The following ACTN2 variants were observed in gnomAD, a reference collection of about 807,000 sequenced individuals.
The protein encoded by ACTN2 is actinin alpha 2, also known as alpha-actinin-2.
ACTN2 carries 39 observed loss-of-function variants against 113.8 expected under a neutral mutation model. The observed-to-expected ratio is 0.34, with a 90% confidence interval of 0.27 to 0.45. The LOEUF (loss-of-function observed/expected upper bound fraction) is 0.45, where lower values mean the gene tolerates loss of function less well. ACTN2 is among the 20% of genes least tolerant of loss of function. The pLI is 1.00. For missense variants in ACTN2, 992 were observed against 1,177.9 expected, an observed-to-expected ratio of 0.84 and a Z score of 2.31; for synonymous variants, 429 against 444.1, an observed-to-expected ratio of 0.97 and a Z score of 0.43.
intron 1 of ACTN2, among the ~76,000 whole-genome samples, chr1:236,697,866 C>A (rs1387367912): frequency 6.6e-6 from 1 of 150,838 alleles, no homozygotes; most frequent in Non-Finnish European, 1.5e-5. Context: ...CAGGTTCAAG[C>A]CTCCTGCCTC....
rs1659484093 is a variant in ACTN2 at position 236,754,152 on chromosome 1, A to G, written c.1974+71A>G. ...GTCCCTTTAGCCACGCAGCAGTGAC[A>G]CCGCACATGCTGTGGTTTCCAGCCA... On this transcript the variant is annotated intron_variant, in intron 16 of 20. Coordinates refer to ENST00000366578, the MANE Select transcript of ACTN2 (RefSeq NM_001103.4). The surrounding 1 kb of genome is among the most constrained non-coding windows in gnomAD (Gnocchi z 4.9). The G allele has an allele frequency of 6.3e-7, 1 of 1,586,502 alleles. No homozygotes were observed. Among genetic ancestry groups the G allele is most frequent in the African/African-American group, 1.3e-5 (1 of 74,530 alleles).
chr1:236,709,251 T>TATAC (rs1657932461), intron 1 of ACTN2, among the ~76,000 whole-genome samples: 16 of 59,726 alleles, frequency 2.7e-4, no homozygotes, highest in African/African-American at 6.3e-4. Flanking sequence ...TATATATATA[T>TATAC]ATATACACAC....
intron 20 of ACTN2, 149 bp from the exon 21 acceptor site, chr1:236,762,312 T>C (rs1485765020): frequency 1.9e-6 from 2 of 1,075,918 alleles, no homozygotes; most frequent in Non-Finnish European, 2.7e-6. Context: ...GGCTTTCTGT[T>C]GGTTGTCTGG....
intron 1 of ACTN2, among the ~76,000 whole-genome samples, chr1:236,691,552 A>G (rs1666082704): frequency 6.6e-6 from 1 of 151,826 alleles, no homozygotes; most frequent in East Asian, 2.0e-4. Flanking sequence ...GGGTGAGGCC[A>G]GAGGATCATT....
intron 1 of ACTN2, among the ~76,000 whole-genome samples, chr1:236,715,181 A>T (rs556965522): frequency 6.7e-6 from 1 of 149,282 alleles, no homozygotes; most frequent in East Asian, 2.0e-4. Flanking sequence ...TTCTACTTTA[A>T]GGTTTAGGGT....
intron 4 of ACTN2, among the ~76,000 whole-genome samples, chr1:236,724,253 C>T (rs551258699): frequency 1.0e-3 from 152 of 152,234 alleles, no homozygotes; most frequent in Non-Finnish European, 1.2e-3. Flanking sequence ...GACACTAATC[C>T]GATCATGAGG....
intron 5 of ACTN2, among the ~76,000 whole-genome samples, chr1:236,726,603 A>G (rs905743734): frequency 6.6e-6 from 1 of 152,200 alleles, no homozygotes; most frequent in African/African-American, 2.4e-5. Context: ...GAAGTAAAAG[A>G]GTTGGTTATA....
At chr1:236,706,279 C>T (rs1657821937) in intron 1 of ACTN2, among the ~76,000 whole-genome samples, 1 of 152,024 alleles carries the variant, frequency 6.6e-6, no homozygotes. Flanking sequence ...CTTGTATCCT[C>T]TTTGATTGGT....
At chr1:236,761,609 G>C (rs1659711909) in intron 20 of ACTN2, among the ~76,000 whole-genome samples, 1 of 152,214 alleles carries the variant, frequency 6.6e-6, no homozygotes, top group South Asian at 2.1e-4. Context: ...ATGGAGCAAA[G>C]TTAAATATAG....
intron 1 of ACTN2, among the ~76,000 whole-genome samples, chr1:236,700,327 CAT>C (rs1657636011): frequency 6.6e-6 from 1 of 152,160 alleles, no homozygotes; most frequent in Admixed American, 6.5e-5. Flanking sequence ...GGATTACAGG[CAT>C]GCACCACCAC....
chr1:236,719,082 A>C, intron 3 of ACTN2, 69 bp downstream of exon 3: 1 of 1,603,764 alleles, frequency 6.2e-7, no homozygotes, highest in Admixed American at 1.7e-5. Flanking sequence ...CTGCGACTTG[A>C]ATTCTCCCCT....
Position 236,751,638 on chromosome 1 carries a change from A to G in ACTN2, c.1825A>G (p.Thr609Ala). Residue 609 changes from threonine to alanine, a missense_variant, in exon 15 of 21, where the codon ACC becomes GCC. Transcript: ENST00000366578. ...YSTVTMDELR[T>A]KWDKVKQLVP... ...CACTGTCACCATGGATGAGCTCCGG[A>G]CCAAGTGGGACAAGGTGGGTGGCTG... 1 of 1,613,916 alleles carries G rather than the reference A, an allele frequency of 6.2e-7. No individual in the cohort carries two copies.
At chr1:236,751,687 G>A (rs2102939857) in intron 15 of ACTN2, 35 bp downstream of exon 15, 1 of 1,612,798 alleles carries the variant, frequency 6.2e-7, no homozygotes, top group Non-Finnish European at 8.5e-7. Context: ...GGACCAGGGG[G>A]CATTCTTGAA....
At chr1:236,703,000 C>T (rs1019638646) in intron 1 of ACTN2, among the ~76,000 whole-genome samples, 4 of 152,064 alleles carry the variant, frequency 2.6e-5, no homozygotes, top group Non-Finnish European at 5.9e-5. Flanking sequence ...AGCTGCTTCC[C>T]CAGTTGCCGG....
At chr1:236,734,368 A>C in intron 7 of ACTN2, 1 of 1,126,794 alleles carries the variant, frequency 8.9e-7, no homozygotes. Flanking sequence ...CCTCTGAGGA[A>C]GTGCTTAGCA....
intron 10 of ACTN2, among the ~76,000 whole-genome samples, chr1:236,739,804 A>G (rs1289227920): frequency 6.6e-6 from 1 of 152,062 alleles, no homozygotes; most frequent in African/African-American, 2.4e-5. Context: ...GTCCCTCCTC[A>G]TGGCCTTGGC....
intron 6 of ACTN2, among the ~76,000 whole-genome samples, chr1:236,729,410 A>T (rs190304145): frequency 6.6e-6 from 1 of 152,334 alleles, no homozygotes; most frequent in Admixed American, 6.5e-5. Context: ...TGCAGTAGCC[A>T]CTACACGTTT....
intron 8 of ACTN2, among the ~76,000 whole-genome samples, chr1:236,736,359 G>A (rs1658876046): frequency 6.6e-6 from 1 of 152,262 alleles, no homozygotes. Context: ...GCCCATCACT[G>A]GGAAAGGATG....
intron 1 of ACTN2, among the ~76,000 whole-genome samples, chr1:236,700,294 TG>T (rs1191411535): frequency 1.3e-5 from 2 of 152,206 alleles, no homozygotes; most frequent in African/African-American, 4.8e-5. Flanking sequence ...GCCATTCTCC[TG>T]CCTCAGCCTC....
Sources: allele counts gnomAD v4.1 joint callset (sites outside exome capture counted in the v4.1 genomes callset), GRCh38; gene constraint gnomAD v4.1.1; non-coding constraint Gnocchi (gnomAD v3.1); transcripts MANE v1.5; gene names NCBI Gene and HGNC (gene_info 2026-07-23, HGNC 2026-07-21).